CYP20A1: variants seen among roughly 807,000 people sequenced by gnomAD.
The protein encoded by CYP20A1 is cytochrome P450 20A1.
Under a neutral mutation model 61.4 loss-of-function variants are expected in CYP20A1, and 61 were observed. That is an observed-to-expected ratio of 0.99 (90% CI 0.81 to 1.23). CYP20A1 has a LOEUF of 1.23. Among genes scored for constraint, CYP20A1 ranks in the 50% most tolerant of loss-of-function variants. CYP20A1 has a pLI of 0.00. For missense variants in CYP20A1, 530 were observed against 542.4 expected, an observed-to-expected ratio of 0.98 and a Z score of 0.23; for synonymous variants, 193 against 188.2, an observed-to-expected ratio of 1.03 and a Z score of -0.21.
intron 4 of CYP20A1, among the ~76,000 whole-genome samples, chr2:203,252,358 C>A (rs984927443): frequency 1.0e-4 from 12 of 118,606 alleles, no homozygotes; most frequent in South Asian, 3.3e-4. Context: ...GAAGAAGTTT[C>A]TGTATGTATG....
chr2:203,243,517 T>C (rs561708529), intron 1 of CYP20A1, among the ~76,000 whole-genome samples: 10 of 152,084 alleles, frequency 6.6e-5, no homozygotes, highest in African/African-American at 2.4e-4. Flanking sequence ...CCTGAGTAGC[T>C]GGCATTACAG....
chr2:203,278,320 C>T (rs912955057), intron 6 of CYP20A1, among the ~76,000 whole-genome samples: 1 of 152,084 alleles, frequency 6.6e-6, no homozygotes, highest in Non-Finnish European at 1.5e-5. Flanking sequence ...TACTTCTTGA[C>T]CTAGGTGGTT....
chr2:203,280,243 C>A, intron 8 of CYP20A1, 130 bp downstream of exon 8: 1 of 593,642 alleles, frequency 1.7e-6, no homozygotes, highest in South Asian at 3.2e-5. Flanking sequence ...GAGTTGGAGG[C>A]CAGCTCAGAA....
At chr2:203,254,861 C>T (rs1330699493) in intron 4 of CYP20A1, among the ~76,000 whole-genome samples, 1 of 151,740 alleles carries the variant, frequency 6.6e-6, no homozygotes, top group Non-Finnish European at 1.5e-5. Flanking sequence ...CGTGGTGGCA[C>T]GTGTCTGTAG....
rs868071898 is a variant in CYP20A1 at position 203,304,091 on chromosome 2, C to T, written c.*7183C>T. 1.9e-4 allele frequency among the ~76,000 whole-genome samples: 29 copies of T among 150,074 alleles called. No individual in the cohort carries two copies. The highest frequency in any genetic ancestry group is 6.4e-4 in the South Asian group (3 of 4,720). ...AAAAATTAGTGGGTGTGGAGGCGGGCGAATGTAATCCCAGCTAGTTGAGAG... is the reference window on the plus strand; with the variant it reads ...AAAAATTAGTGGGTGTGGAGGCGGGTGAATGTAATCCCAGCTAGTTGAGAG... On this transcript the variant is annotated 3_prime_UTR_variant, in exon 13 of 13. Coordinates refer to ENST00000356079, the MANE Select transcript of CYP20A1 (RefSeq NM_177538.3).
intron 7 of CYP20A1, among the ~76,000 whole-genome samples, chr2:203,279,269 T>TCATG (rs1456004419): frequency 6.6e-6 from 1 of 152,182 alleles, no homozygotes; most frequent in East Asian, 1.9e-4. Context: ...CCCAGCTGCA[T>TCATG]CGTACATCTT....
intron 3 of CYP20A1, among the ~76,000 whole-genome samples, chr2:203,247,888 C>G (rs1010070076): frequency 1.3e-4 from 19 of 151,702 alleles, no homozygotes; most frequent in African/African-American, 4.6e-4. Context: ...GAGGGAAATA[C>G]TTGTACCATC....
intron 1 of CYP20A1, among the ~76,000 whole-genome samples, chr2:203,243,825 G>C (rs1391268746): frequency 2.0e-5 from 3 of 151,696 alleles, no homozygotes; most frequent in Non-Finnish European, 4.4e-5. Flanking sequence ...GAGTAACTAG[G>C]ACTATAGTGC....
chr2:203,243,392 C>CTT (rs1553512577), intron 1 of CYP20A1, among the ~76,000 whole-genome samples: 1 of 151,114 alleles, frequency 6.6e-6, no homozygotes, highest in African/African-American at 2.4e-5. Flanking sequence ...TCCACTCTCG[C>CTT]CTCTTTCTTT....
chr2:203,248,936 C>T (rs2105904502), intron 3 of CYP20A1, among the ~76,000 whole-genome samples: 1 of 152,242 alleles, frequency 6.6e-6, no homozygotes, highest in Admixed American at 6.5e-5. Flanking sequence ...GCCTCCAACT[C>T]CTAGACTCAA....
At chr2:203,271,389 A>G (rs540980300) in intron 5 of CYP20A1, among the ~76,000 whole-genome samples, 121 of 152,094 alleles carry the variant, frequency 8.0e-4, no homozygotes, top group Admixed American at 2.8e-3. Context: ...CACCTGGCCA[A>G]TAGTTTGATT....
rs577031376 is a variant in CYP20A1 at position 203,247,267 on chromosome 2, A to T, written c.289+346A>T. ...CAGAGCGAGACTGTCTCAAAAAAAT[A>T]AAAAAAGAATTAATGTTTATAAATA... On this transcript the variant is annotated intron_variant, in intron 3 of 12. Coordinates refer to ENST00000356079, the MANE Select transcript of CYP20A1 (RefSeq NM_177538.3). Among the ~76,000 whole-genome samples, 13 of 151,904 alleles carry T rather than the reference A, an allele frequency of 8.6e-5. No individual in the cohort carries two copies. In the South Asian group the frequency reaches 2.1e-3, roughly 24 times the overall value.
chr2:203,248,007 C>G (rs976830296), intron 3 of CYP20A1, among the ~76,000 whole-genome samples: 7 of 152,138 alleles, frequency 4.6e-5, no homozygotes, highest in African/African-American at 1.7e-4. Context: ...GGGAGGATCA[C>G]TTGAGCCCAG....
At chr2:203,243,179 C>T (rs935288404) in intron 1 of CYP20A1, among the ~76,000 whole-genome samples, 8 of 152,130 alleles carry the variant, frequency 5.3e-5, no homozygotes, top group Non-Finnish European at 1.2e-4. Context: ...ACTGTGTCAC[C>T]CAGGCTGGGG....
In CYP20A1 at chr2:203,252,095, G is replaced by T. The variant is rs2066712769; in HGVS notation, c.418G>T (p.Ala140Ser). Residue 140 changes from alanine to serine, a missense_variant, in exon 4 of 13, where the codon GCC becomes TCC. Transcript: ENST00000356079. Reference sequence around the variant, plus strand: ...GACTGATTCTCTGAAGAGTAACTTTGCCCTCCTCCTAAAGGTAAGGTGATA... The same window carrying T: ...GACTGATTCTCTGAAGAGTAACTTTTCCCTCCTCCTAAAGGTAAGGTGATA... ...GVTDSLKSNF[A>S]LLLKLSEELL... 1 of 1,607,140 alleles carries T rather than the reference G, an allele frequency of 6.2e-7. No homozygotes were observed. Among genetic ancestry groups the T allele is most frequent in the Admixed American group, 1.7e-5 (1 of 59,378 alleles).
chr2:203,240,340 T>G (rs2066212919), intron 1 of CYP20A1, among the ~76,000 whole-genome samples: 1 of 152,224 alleles, frequency 6.6e-6, no homozygotes, highest in South Asian at 2.1e-4. Flanking sequence ...GATTTTAAAA[T>G]GATACTCTTC....
At chr2:203,285,535 A>G in intron 8 of CYP20A1, 77 bp from the exon 9 acceptor site, 1 of 1,398,372 alleles carries the variant, frequency 7.2e-7, no homozygotes, top group Non-Finnish European at 9.4e-7. Flanking sequence ...CACCCTAAAT[A>G]AGTAGTTTTT....
chr2:203,274,433 G>A (rs936713262), intron 6 of CYP20A1, among the ~76,000 whole-genome samples: 1 of 152,010 alleles, frequency 6.6e-6, no homozygotes, highest in Non-Finnish European at 1.5e-5. Context: ...TGATCCGCCC[G>A]CCTCAGCCTC....
intron 4 of CYP20A1, among the ~76,000 whole-genome samples, chr2:203,263,548 A>G (rs1179386691): frequency 6.6e-6 from 1 of 152,074 alleles, no homozygotes; most frequent in Non-Finnish European, 1.5e-5. Context: ...TCGGCCCCCC[A>G]AAATGCTGGA....
Sources: gnomAD v4.1 joint callset for allele counts (sites outside exome capture counted in the v4.1 genomes callset) on GRCh38, gnomAD v4.1.1 for gene constraint, MANE v1.5 for transcripts, NCBI Gene and HGNC (gene_info 2026-07-23, HGNC 2026-07-21) for gene names.